PKHD1: variants seen among roughly 807,000 people sequenced by gnomAD.
PKHD1 encodes the protein fibrocystin.
Under a neutral mutation model 412.0 loss-of-function variants are expected in PKHD1, and 291 were observed. That is an observed-to-expected ratio of 0.71 (90% CI 0.64 to 0.78). PKHD1 has a LOEUF of 0.78. Ranked by LOEUF, PKHD1 falls within the 30% of genes least tolerant of loss-of-function variation. The pLI, the probability that PKHD1 is intolerant of heterozygous loss-of-function variation, is 0.00. For synonymous variants in PKHD1, 1,777 were observed against 1,821.5 expected (o/e 0.98, Z 0.62); for missense variants, 4,825 against 4,950.7 (o/e 0.97, Z 0.76).
intron 60 of PKHD1, among the ~76,000 whole-genome samples, chr6:51,705,276 C>T (rs530146051): frequency 2.0e-5 from 3 of 151,924 alleles, no homozygotes; most frequent in African/African-American, 7.2e-5. Flanking sequence ...GTGTCAAATT[C>T]CCCAGAGATC....
intron 52 of PKHD1, among the ~76,000 whole-genome samples, chr6:51,798,091 G>C (rs1794872287): frequency 6.6e-6 from 1 of 152,094 alleles, no homozygotes; most frequent in Non-Finnish European, 1.5e-5. Context: ...GAAATTCTAG[G>C]TTGGGGGCCA....
intron 48 of PKHD1, among the ~76,000 whole-genome samples, chr6:51,861,695 C>T (rs758710123): frequency 1.3e-5 from 2 of 152,154 alleles, no homozygotes; most frequent in African/African-American, 2.4e-5. Context: ...GCCACCATTC[C>T]GTAATATTTC....
At chr6:52,029,926 A>G (rs1482292325) in intron 29 of PKHD1, among the ~76,000 whole-genome samples, 2 of 152,266 alleles carry the variant, frequency 1.3e-5, no homozygotes, top group Admixed American at 6.5e-5. Context: ...AATTGAAAAG[A>G]TAGGGGAGGA....
At chr6:51,697,174 C>T (rs1038221459) in intron 60 of PKHD1, among the ~76,000 whole-genome samples, 20 of 112,944 alleles carry the variant, frequency 1.8e-4, no homozygotes, top group African/African-American at 4.5e-4. Flanking sequence ...AGTGAGACTC[C>T]GTCTCAAATA....
chr6:51,710,903 GAAC>G (rs1324043756), intron 60 of PKHD1, among the ~76,000 whole-genome samples: 3 of 152,158 alleles, frequency 2.0e-5, no homozygotes, highest in Non-Finnish European at 4.4e-5. Context: ...AGTTGACTAT[GAAC>G]AACAATACTA....
At chr6:52,034,090 C>A (rs1169413978) in intron 28 of PKHD1, among the ~76,000 whole-genome samples, 3 of 151,488 alleles carry the variant, frequency 2.0e-5, no homozygotes, top group Non-Finnish European at 4.4e-5. Flanking sequence ...GATTGTACCA[C>A]TCCAGCCTGG....
intron 60 of PKHD1, among the ~76,000 whole-genome samples, chr6:51,736,658 A>G (rs1448469434): frequency 6.6e-6 from 1 of 152,170 alleles, no homozygotes; most frequent in Non-Finnish European, 1.5e-5. Context: ...GGGAAAAGAG[A>G]ATGGTATTTT....
At chr6:51,942,873 T>C (rs1295093321) in intron 36 of PKHD1, among the ~76,000 whole-genome samples, 1 of 151,616 alleles carries the variant, frequency 6.6e-6, no homozygotes, top group Non-Finnish European at 1.5e-5. Context: ...CAGGGATTAT[T>C]CAGGCCCCCT....
At chr6:51,642,581 T>A (rs899543326) in intron 63 of PKHD1, among the ~76,000 whole-genome samples, 4 of 152,182 alleles carry the variant, frequency 2.6e-5, no homozygotes, top group African/African-American at 9.7e-5. Flanking sequence ...GGCTCACACC[T>A]GTAATCCCGA....
At chr6:51,647,735 C>G (rs1010488243) in intron 63 of PKHD1, among the ~76,000 whole-genome samples, 1 of 152,078 alleles carries the variant, frequency 6.6e-6, no homozygotes, top group Non-Finnish European at 1.5e-5. Context: ...TTGATGCTCA[C>G]CCAAAGATGC....
Position 52,084,963 on chromosome 6 carries a change from T to C in PKHD1, c.-30A>G, listed in dbSNP as rs767584874. 1.2e-5 allele frequency: 18 copies of C among 1,466,990 alleles called. No individual in the cohort carries two copies. The Middle Eastern group carries it at 5.2e-4, about 42-fold the overall frequency. 90.9% of individuals were successfully genotyped at this position (1,466,990 alleles called of 1,614,324 possible). A position where few individuals can be genotyped will look rare whatever the true frequency, so the allele number is the denominator to read the frequency against. ...TCCACTTAAATCAATACTCTTAAGA[T>C]TGCTCAGACATTAAAAGCATTTTCA... is the stretch of plus-strand genomic sequence containing the variant. On this transcript the variant is annotated 5_prime_UTR_variant, in exon 2 of 67. Transcript: ENST00000371117.
chr6:51,657,018 G>A (rs1367495147), intron 61 of PKHD1, among the ~76,000 whole-genome samples: 2 of 151,666 alleles, frequency 1.3e-5, no homozygotes, highest in Non-Finnish European at 2.9e-5. Context: ...AGTATGGCCT[G>A]AATTTGTTGA....
rs540463015 is a variant in PKHD1 at position 52,016,026 on chromosome 6, C to A, written c.5600+1384G>T. 8.5e-4 allele frequency among the ~76,000 whole-genome samples: 129 copies of A among 152,172 alleles called. 1 individual carries two copies. Among genetic ancestry groups the A allele is most frequent in the Non-Finnish European group, 1.0e-4 (7 of 68,010 alleles). On this transcript the variant is annotated intron_variant, in intron 34 of 66. Transcript: ENST00000371117. Reference sequence around the variant, plus strand: ...AGAGTTTTGGGGATTCAGATGAAGTCCCTGAATTCAATGGAGCCAGGACCT... The same window carrying A: ...AGAGTTTTGGGGATTCAGATGAAGTACCTGAATTCAATGGAGCCAGGACCT...
chr6:51,691,760 T>C (rs1582112038), intron 60 of PKHD1, among the ~76,000 whole-genome samples: 1 of 152,120 alleles, frequency 6.6e-6, no homozygotes, highest in Non-Finnish European at 1.5e-5. Context: ...CCCCATGACA[T>C]AAGTTTACCT....
intron 37 of PKHD1, among the ~76,000 whole-genome samples, chr6:51,914,119 T>C (rs1271196542): frequency 6.6e-6 from 1 of 151,980 alleles, no homozygotes; most frequent in Non-Finnish European, 1.5e-5. Flanking sequence ...GTATTCACAA[T>C]TCTCAATTAA....
chr6:51,913,912 G>A (rs1427807813), intron 37 of PKHD1, among the ~76,000 whole-genome samples: 2 of 151,928 alleles, frequency 1.3e-5, no homozygotes, highest in African/African-American at 4.8e-5. Flanking sequence ...CATCCCAAAA[G>A]AAAATAATTT....
At position 51,848,571 on chromosome 6, in the gene PKHD1, C is replaced by T. The variant is rs568331705; in HGVS notation, c.7912-601G>A. Among the ~76,000 whole-genome samples, 156 of 152,126 alleles carry T rather than the reference C, an allele frequency of 1.0e-3. 1 individual carries two copies. The highest frequency in any genetic ancestry group is 1.5e-3 in the Non-Finnish European group (100 of 68,012). On this transcript the variant is annotated intron_variant, in intron 49 of 66. Coordinates refer to ENST00000371117, the MANE Select transcript of PKHD1 (RefSeq NM_138694.4). ...AAGAGTGCAGTGTCAGGACATAAAC[C>T]TAGGGTATCCACCTCCAGAGGCACA...
intron 34 of PKHD1, among the ~76,000 whole-genome samples, chr6:52,013,420 A>G (rs529997887): frequency 1.3e-5 from 2 of 152,318 alleles, no homozygotes; most frequent in Admixed American, 1.3e-4. Context: ...TTTTTCATTA[A>G]AAAGCCATCA....
intron 35 of PKHD1, among the ~76,000 whole-genome samples, chr6:51,981,877 G>A (rs1293191777): frequency 1.3e-4 from 13 of 103,240 alleles, no homozygotes; most frequent in Admixed American, 2.2e-4. Context: ...AGCGAGGAGC[G>A]CCTCTTCCCC....
Sources: allele counts gnomAD v4.1 joint callset (sites outside exome capture counted in the v4.1 genomes callset), GRCh38; gene constraint gnomAD v4.1.1; transcripts MANE v1.5; gene names NCBI Gene and HGNC (gene_info 2026-07-23, HGNC 2026-07-21).